Variants in DIAPH2 observed in about 807,000 individuals in gnomAD.
DIAPH2 encodes diaphanous related formin 2, also known as protein diaphanous homolog 2.
A neutral mutation model predicts 92.7 loss-of-function variants in DIAPH2; 35 were observed. The ratio of observed to expected loss-of-function variants is 0.38; its 90% CI spans 0.29 to 0.50. The LOEUF is 0.50. DIAPH2 is among the 20% of genes least tolerant of loss of function. The pLI is 0.94. For synonymous variants in DIAPH2, 301 were observed against 280.4 expected (o/e 1.07, Z -0.73); for missense variants, 701 against 819.5 (o/e 0.86, Z 1.77).
chrX:96,890,943 T>A (rs2065303070), intron 5 of DIAPH2, among the ~76,000 whole-genome samples: 1 of 111,992 alleles, frequency 8.9e-6, no homozygotes, highest in African/African-American at 3.2e-5. Context: ...TACTCTGTAA[T>A]AGTTTCATGC....
chrX:97,022,019 A>T, intron 17 of DIAPH2, among the ~76,000 whole-genome samples: 1 of 112,199 alleles, frequency 8.9e-6, no homozygotes, highest in East Asian at 2.8e-4. Context: ...AATAACAGGG[A>T]AAGAAAACCT....
chrX:97,337,854 G>C (rs149174140), intron 23 of DIAPH2, among the ~76,000 whole-genome samples: 2,152 of 108,571 alleles, frequency 0.02, 44 homozygotes, highest in African/African-American at 0.069. Context: ...TGATAGCCAT[G>C]CCTCAGTTTT....
At chrX:97,462,184 C>G (rs2070464924) in intron 26 of DIAPH2, among the ~76,000 whole-genome samples, 1 of 111,832 alleles carries the variant, frequency 8.9e-6, no homozygotes, top group Non-Finnish European at 1.9e-5. Flanking sequence ...TTAAATATTT[C>G]TATCTCCTAA....
At chrX:97,129,072 T>C (rs1476555463) in intron 21 of DIAPH2, among the ~76,000 whole-genome samples, 2 of 105,461 alleles carry the variant, frequency 1.9e-5, no homozygotes, top group African/African-American at 7.1e-5. Flanking sequence ...GAGACTGTTT[T>C]TCAAAGTGTC....
chrX:97,338,122 T>G (rs1408800275), intron 23 of DIAPH2, among the ~76,000 whole-genome samples: 1 of 110,720 alleles, frequency 9.0e-6, no homozygotes, highest in Non-Finnish European at 1.9e-5. Flanking sequence ...TCTGCCCGCC[T>G]CGGCCTCCCA....
chrX:97,018,574 A>T (rs1189548523), intron 17 of DIAPH2, among the ~76,000 whole-genome samples: 1 of 112,110 alleles, frequency 8.9e-6, no homozygotes, highest in Non-Finnish European at 1.9e-5. Flanking sequence ...TTAGCCATTC[A>T]CGAATGACTA....
chrX:97,472,631 A>G (rs370780749), intron 26 of DIAPH2, among the ~76,000 whole-genome samples: 2 of 112,195 alleles, frequency 1.8e-5, no homozygotes, highest in East Asian at 5.6e-4. Flanking sequence ...GAGAATTGAC[A>G]TAATTTTTTA....
intron 26 of DIAPH2, among the ~76,000 whole-genome samples, chrX:97,597,966 C>T (rs2071565445): frequency 9.0e-6 from 1 of 111,345 alleles, no homozygotes; most frequent in Non-Finnish European, 1.9e-5. Flanking sequence ...GCTCAGGACA[C>T]ATACCGTGGT....
rs766209794 is a variant in DIAPH2 at position 96,820,505 on chromosome X, G to T, written c.448-61074G>T. Among the ~76,000 whole-genome samples, 143 of 111,953 alleles carry T rather than the reference G, an allele frequency of 1.3e-3. 1 individual carries two copies. The highest frequency in any genetic ancestry group is 4.2e-3 in the African/African-American group (129 of 30,853). ...AAGAAAAAAAGAAATACAGTTTGTT[G>T]ATCCTAAAATATTTGGAGAGCAGAT... On this transcript the variant is annotated intron_variant, in intron 4 of 26. Transcript: ENST00000324765.
At chrX:96,976,466 TA>T (rs771289315) in intron 17 of DIAPH2, among the ~76,000 whole-genome samples, 1 of 111,201 alleles carries the variant, frequency 9.0e-6, no homozygotes, top group African/African-American at 3.3e-5. Context: ...TTTGGATTTC[TA>T]AATATAAATA....
At chrX:97,570,744 G>A (rs761569991) in intron 26 of DIAPH2, among the ~76,000 whole-genome samples, 4 of 111,288 alleles carry the variant, frequency 3.6e-5, no homozygotes, top group Non-Finnish European at 7.6e-5. Context: ...TTTCTCCTAA[G>A]AGAAAACCCT....
intron 25 of DIAPH2, among the ~76,000 whole-genome samples, chrX:97,424,602 AT>A (rs1275783944): frequency 1.0e-5 from 1 of 97,891 alleles, no homozygotes; most frequent in Non-Finnish European, 2.1e-5. Flanking sequence ...AAAGGTATTT[AT>A]TTTTATTCCC....
At chrX:96,748,548 G>A (rs2064164952) in intron 3 of DIAPH2, among the ~76,000 whole-genome samples, 1 of 111,846 alleles carries the variant, frequency 8.9e-6, no homozygotes, top group African/African-American at 3.3e-5. Flanking sequence ...GTTCATCAAA[G>A]TCCCATGCCT....
rs1358211697 is a variant in DIAPH2 at position 97,192,319 on chromosome X, A to G, written c.2719+50525A>G. Among the ~76,000 whole-genome samples the G allele has an allele frequency of 1.0e-4, 11 of 109,529 alleles. No homozygotes were observed. In the Admixed American group the frequency reaches 1.1e-3, roughly 11 times the overall value. ...AAAAAAAAAAAAAAAAAAAAAGAAAAGAAAAGAAAAGTACTTTTTCAAAAG... is the reference window on the plus strand; with the variant it reads ...AAAAAAAAAAAAAAAAAAAAAGAAAGGAAAAGAAAAGTACTTTTTCAAAAG... On this transcript the variant is annotated intron_variant, in intron 22 of 26. Coordinates refer to ENST00000324765, the MANE Select transcript of DIAPH2 (RefSeq NM_006729.5).
intron 19 of DIAPH2, among the ~76,000 whole-genome samples, chrX:97,078,622 A>G (rs2066720958): frequency 8.9e-6 from 1 of 112,005 alleles, no homozygotes; most frequent in Non-Finnish European, 1.9e-5. Context: ...GCGACTAGAA[A>G]TTATTTTTAA....
intron 21 of DIAPH2, among the ~76,000 whole-genome samples, chrX:97,130,585 A>G (rs2067131286): frequency 8.9e-6 from 1 of 111,874 alleles, no homozygotes; most frequent in Non-Finnish European, 1.9e-5. Context: ...GTCTTTGTTT[A>G]CCAAGGGTTG....
At chrX:96,688,588 C>T (rs1470115985) in intron 1 of DIAPH2, among the ~76,000 whole-genome samples, 4 of 112,106 alleles carry the variant, frequency 3.6e-5, no homozygotes, top group Non-Finnish European at 7.5e-5. Flanking sequence ...CCACCCACCT[C>T]CACCTCCCAA....
At chrX:97,485,153 A>T (rs2070678800) in intron 26 of DIAPH2, among the ~76,000 whole-genome samples, 1 of 112,100 alleles carries the variant, frequency 8.9e-6, no homozygotes, top group South Asian at 3.7e-4. Context: ...ACCGAAGGCA[A>T]TTCACAGTGT....
At chrX:96,851,177 C>G (rs2065004140) in intron 4 of DIAPH2, among the ~76,000 whole-genome samples, 1 of 112,122 alleles carries the variant, frequency 8.9e-6, no homozygotes, top group South Asian at 3.7e-4. Flanking sequence ...TCTGGGCGCA[C>G]TGCAACCTCT....
Sources: allele counts gnomAD v4.1 joint callset (sites outside exome capture counted in the v4.1 genomes callset), GRCh38; gene constraint gnomAD v4.1.1; transcripts MANE v1.5; gene names NCBI Gene and HGNC (gene_info 2026-07-23, HGNC 2026-07-21).